Variants in SLC25A48 observed in about 807,000 individuals in gnomAD.
SLC25A48 encodes solute carrier family 25 member 48.
SLC25A48 carries 29 observed loss-of-function variants against 32.2 expected under a neutral mutation model. That is an observed-to-expected ratio of 0.90 (90% CI 0.67 to 1.23). SLC25A48 has a LOEUF of 1.23. Among genes scored for constraint, SLC25A48 ranks in the 50% most tolerant of loss-of-function variants. The pLI is 0.00. For synonymous variants in SLC25A48, 164 were observed against 172.3 expected (o/e 0.95, Z 0.38); for missense variants, 399 against 422.7 (o/e 0.94, Z 0.49).
In SLC25A48 at chr5:135,888,311, A is replaced by AGC; in HGVS notation, c.*287_*288insGC. On this transcript the variant is annotated 3_prime_UTR_variant, in exon 8 of 8. Transcript: ENST00000681962. Reference sequence around the variant, plus strand: ...TTGGTCCAGCTGAGAAGTCCTGACCATGAGCACCAGGGAGCCAGAAACCAC... The same window carrying AGC: ...TTGGTCCAGCTGAGAAGTCCTGACCAGCTGAGCACCAGGGAGCCAGAAACCAC... The AGC allele has an allele frequency of 2.2e-6, 1 of 457,320 alleles. No homozygotes were observed. The highest frequency in any genetic ancestry group is 3.9e-6 in the Non-Finnish European group (1 of 254,070). 28.3% of individuals were successfully genotyped at this position (457,320 alleles called of 1,614,324 possible). A position where few individuals can be genotyped will look rare whatever the true frequency, so the allele number is the denominator to read the frequency against.
intron 3 of SLC25A48, among the ~76,000 whole-genome samples, chr5:135,790,137 A>T (rs1008040771): frequency 6.6e-6 from 1 of 151,476 alleles, no homozygotes; most frequent in African/African-American, 2.4e-5. Context: ...TATTATAATT[A>T]TTAATTATTT....
rs116173314 is a variant in SLC25A48 at position 135,626,478 on chromosome 5, C to G, written c.-848-2759C>G. Among the ~76,000 whole-genome samples the G allele has an allele frequency of 6.0e-3, 911 of 152,278 alleles. 9 individuals are homozygous for G. Among genetic ancestry groups the G allele is most frequent in the African/African-American group, 0.021 (860 of 41,540 alleles). On this transcript the variant is annotated intron_variant, in intron 1 of 10. Transcript: ENST00000646290. The stretch of plus-strand genomic sequence containing the variant: ...CCCTCAAGCCAAAGCCTTGGCTTAT[C>G]CAGGGGAAAAGAAGAATCCATTTTA...
At chr5:135,824,192 G>C (rs1168673316) in intron 4 of SLC25A48, among the ~76,000 whole-genome samples, 2 of 152,194 alleles carry the variant, frequency 1.3e-5, no homozygotes, top group African/African-American at 2.4e-5. Flanking sequence ...GACAAGTTTG[G>C]TGTGACTTAG....
intron 3 of SLC25A48, among the ~76,000 whole-genome samples, chr5:135,779,658 A>G (rs1756672170): frequency 8.5e-6 from 1 of 117,694 alleles, no homozygotes; most frequent in Admixed American, 8.7e-5. Flanking sequence ...TACTCCCAAT[A>G]TCGAAGGGGA....
intron 6 of SLC25A48, among the ~76,000 whole-genome samples, chr5:135,879,443 G>A (rs891517917): frequency 6.6e-6 from 1 of 152,168 alleles, no homozygotes; most frequent in East Asian, 1.9e-4. Flanking sequence ...GCAAAGCCGT[G>A]CCTCAACCCC....
intron 3 of SLC25A48, among the ~76,000 whole-genome samples, chr5:135,640,266 T>C (rs909485255): frequency 6.6e-6 from 1 of 152,188 alleles, no homozygotes; most frequent in African/African-American, 2.4e-5. Flanking sequence ...GAGACTCATG[T>C]CCTATGGGAA....
rs79338483 is a variant in SLC25A48, at chr5:135,797,843, A to G, written c.-520-14680A>G. Among the ~76,000 whole-genome samples, 140 of 151,784 alleles carry G rather than the reference A, an allele frequency of 9.2e-4. 1 individual carries two copies. In the East Asian group the frequency reaches 0.022, roughly 24 times the overall value. On this transcript the variant is annotated intron_variant, in intron 3 of 10. Transcript: ENST00000646290. ...AAAATCAAGCAGGGGGGAGGATGAC[A>G]TTACTTCCAATATCGCAAAAGGTGT...
intron 4 of SLC25A48, among the ~76,000 whole-genome samples, chr5:135,859,434 A>G (rs1231393815): frequency 6.6e-6 from 1 of 152,118 alleles, no homozygotes; most frequent in Non-Finnish European, 1.5e-5. Flanking sequence ...CCCATGACAC[A>G]TGGGGATTAT....
chr5:135,656,919 TA>T (rs1470962894), intron 3 of SLC25A48, among the ~76,000 whole-genome samples: 1 of 152,286 alleles, frequency 6.6e-6, no homozygotes, highest in East Asian at 1.9e-4. Context: ...GCCTTTTAAA[TA>T]GTGAAACAAT....
At chr5:135,790,099 C>T (rs903491747) in intron 3 of SLC25A48, among the ~76,000 whole-genome samples, 27 of 151,486 alleles carry the variant, frequency 1.8e-4, no homozygotes, top group Admixed American at 1.3e-4. Context: ...TAACATCTTT[C>T]TTGGATATGA....
intron 3 of SLC25A48, among the ~76,000 whole-genome samples, chr5:135,789,200 T>TATTAGCCCCCATGTTGCGGTGAGTGTACA (rs1756946783): frequency 7.2e-6 from 1 of 138,630 alleles, no homozygotes; most frequent in African/African-American, 2.8e-5. Context: ...GTGTACACCC[T>TATTAGCCCCCATGTTGCGGTGAGTGTACA]CCCCCGCCAC....
chr5:135,715,128 G>A (rs1187466284), intron 3 of SLC25A48, among the ~76,000 whole-genome samples: 1 of 152,206 alleles, frequency 6.6e-6, no homozygotes, highest in Non-Finnish European at 1.5e-5. Context: ...AATATGAGGA[G>A]GTGAGGGCTG....
At chr5:135,663,306 G>A (rs945520923) in intron 3 of SLC25A48, among the ~76,000 whole-genome samples, 2 of 152,152 alleles carry the variant, frequency 1.3e-5, no homozygotes, top group African/African-American at 4.8e-5. Flanking sequence ...TCTCAGCCTT[G>A]GCATGATTGA....
At chr5:135,656,408 C>A (rs1266192787) in intron 3 of SLC25A48, among the ~76,000 whole-genome samples, 1 of 152,094 alleles carries the variant, frequency 6.6e-6, no homozygotes, top group Non-Finnish European at 1.5e-5. Flanking sequence ...AGCTGAGATC[C>A]CTGGGTCCTG....
intron 3 of SLC25A48, among the ~76,000 whole-genome samples, chr5:135,771,161 T>C (rs964066587): frequency 1.3e-5 from 2 of 151,430 alleles, no homozygotes; most frequent in Non-Finnish European, 3.0e-5. Flanking sequence ...GATATTAATT[T>C]CAATATCGCG....
At chr5:135,748,711 G>C (rs1755698594) in intron 3 of SLC25A48, among the ~76,000 whole-genome samples, 1 of 149,826 alleles carries the variant, frequency 6.7e-6, no homozygotes, top group Admixed American at 6.8e-5. Flanking sequence ...TCAGAGGCTT[G>C]AGACAGGTAA....
chr5:135,840,947 T>C (rs1186502856), intron 1 of SLC25A48, among the ~76,000 whole-genome samples: 4 of 151,986 alleles, frequency 2.6e-5, no homozygotes, highest in African/African-American at 9.7e-5. Context: ...AATTGAATTG[T>C]TGGGTTAGGT....
At chr5:135,616,889 A>G (rs1034465054) in intron 1 of SLC25A48, among the ~76,000 whole-genome samples, 3 of 152,166 alleles carry the variant, frequency 2.0e-5, no homozygotes, top group Non-Finnish European at 2.9e-5. Flanking sequence ...TTTTATTTCT[A>G]TGTTCATCAG....
At chr5:135,880,742 C>G (rs953397200) in intron 7 of SLC25A48, among the ~76,000 whole-genome samples, 3 of 135,562 alleles carry the variant, frequency 2.2e-5, no homozygotes, top group African/African-American at 7.5e-5. Context: ...CACCACTGTT[C>G]TGAATGTCCC....
Sources: allele counts gnomAD v4.1 joint callset (sites outside exome capture counted in the v4.1 genomes callset), GRCh38; gene constraint gnomAD v4.1.1; transcripts MANE v1.5; gene names NCBI Gene and HGNC (gene_info 2026-07-23, HGNC 2026-07-21).